Variants in OGFOD1 observed in about 807,000 individuals in gnomAD.
The protein encoded by OGFOD1 is 2-oxoglutarate and iron dependent oxygenase domain containing 1, also known as prolyl 3-hydroxylase OGFOD1.
OGFOD1 carries 54 observed loss-of-function variants against 67.7 expected under a neutral mutation model. That is an observed-to-expected ratio of 0.80 (90% confidence interval 0.64 to 1.00). The LOEUF is 1.00. Ranked by LOEUF, OGFOD1 falls within the 50% of genes least tolerant of loss-of-function variation. The pLI is 0.00. For synonymous variants in OGFOD1, 221 were observed against 227.0 expected (o/e 0.97, Z 0.24); for missense variants, 606 against 646.7 (o/e 0.94, Z 0.68).
At position 56,476,046 on chromosome 16, in the gene OGFOD1, GC is replaced by G. The variant is rs1555519106; in HGVS notation, c.1471del (p.Leu491Ter). 1.9e-6 allele frequency: 3 copies of G among 1,608,796 alleles called. No homozygotes were observed. The highest frequency in any genetic ancestry group is 1.7e-6 in the Non-Finnish European group (2 of 1,178,294). On this transcript the variant is annotated frameshift_variant, in exon 13 of 13. Transcript: ENST00000566157. LOFTEE classifies it high-confidence loss of function. The part of the protein sequence containing the change: ...YIAKGEDEEL[L>X]TVNPESNSLA... ...GTCACTGTATTTGTCTTTTTCAGCT[GC>G]TAACAGTGAATCCAGAAAGCAATTC...
chr16:56,454,716 T>G (rs1053779772), intron 2 of OGFOD1: 27 of 385,808 alleles, frequency 7.0e-5, no homozygotes, highest in Non-Finnish European at 9.6e-5. Context: ...TCCCATTTTA[T>G]TTTATCTGGG....
intron 10 of OGFOD1, 64 bp from the exon 11 acceptor site, chr16:56,474,764 T>C: frequency 4.4e-6 from 6 of 1,375,348 alleles, no homozygotes; most frequent in Non-Finnish European, 6.0e-6. Flanking sequence ...TATGATTCCC[T>C]TGCAATCCAA....
At chr16:56,458,288 C>A in intron 2 of OGFOD1, 1 of 450,844 alleles carries the variant, frequency 2.2e-6, no homozygotes, top group Non-Finnish European at 4.1e-6. Flanking sequence ...TGTCTGTTGT[C>A]TATCTCCCTC....
At chr16:56,473,699 C>G (rs1211569412) in intron 10 of OGFOD1, among the ~76,000 whole-genome samples, 2 of 151,202 alleles carry the variant, frequency 1.3e-5, no homozygotes, top group African/African-American at 4.9e-5. Context: ...CTATTGGTTA[C>G]TTGATTTTTT....
Position 56,453,243 on chromosome 16 carries a change from T to TA in OGFOD1, c.155-18dup. ...AATACAAAAGGAAAAAAGCCATAGA[T>TA]AATGTTTTTCTTCCAACAGAAGTCA... On this transcript the variant is annotated intron_variant, in intron 1 of 12. Coordinates refer to ENST00000566157, the MANE Select transcript of OGFOD1 (RefSeq NM_018233.4). The TA allele has an allele frequency of 1.3e-6, 2 of 1,599,318 alleles. No homozygotes were observed. The highest frequency in any genetic ancestry group is 1.7e-6 in the Non-Finnish European group (2 of 1,174,998).
At position 56,478,094 on chromosome 16, in the gene OGFOD1, T is replaced by C. The variant is rs2144076700; in HGVS notation, c.*1889T>C. The C allele has an allele frequency of 1.3e-5, 2 of 152,344 alleles. No individual in the cohort carries two copies. The highest frequency in any genetic ancestry group is 6.8e-3 in the Middle Eastern group (2 of 294). 9.4% of individuals were successfully genotyped at this position (152,344 alleles called of 1,614,324 possible). A position where few individuals can be genotyped will look rare whatever the true frequency, so the allele number is the denominator to read the frequency against. ...ATAAAAAGAAATATCTAGAACTAGT[T>C]CTAACATTGTCTTCCCCTATGCATA... On this transcript the variant is annotated 3_prime_UTR_variant, in exon 13 of 13. Transcript: ENST00000566157.
At chr16:56,457,464 G>T (rs1196758293) in intron 2 of OGFOD1, among the ~76,000 whole-genome samples, 1 of 152,214 alleles carries the variant, frequency 6.6e-6, no homozygotes, top group East Asian at 1.9e-4. Flanking sequence ...CTGAAATTAG[G>T]AAGTGCTGAT....
At chr16:56,474,042 C>T (rs1406176814) in intron 10 of OGFOD1, among the ~76,000 whole-genome samples, 1 of 152,148 alleles carries the variant, frequency 6.6e-6, no homozygotes, top group Non-Finnish European at 1.5e-5. Flanking sequence ...CTCCTGACCT[C>T]AGGTGATCTG....
chr16:56,453,560 GCTTACTGAGTGTTAACTATGTGTTA>G, intron 2 of OGFOD1, 152 bp downstream of exon 2: 1 of 668,836 alleles, frequency 1.5e-6, no homozygotes, highest in South Asian at 2.1e-5. Context: ...ATTTAACCAA[GCTTACTGAGTGTTAACTATGTGTTA>G]AGTGCTATAA....
rs1411684373 is a variant in OGFOD1 at position 56,470,046 on chromosome 16, A to G, written c.944A>G (p.His315Arg). Reference protein sequence around the residue: ...TKVCEALEHGHVEWSSRGPPN... With the variant: ...TKVCEALEHGRVEWSSRGPPN... ...GTCTGTGAGGCCTTGGAGCATGGAC[A>G]TGTGGAATGGAGCAGCCGAGGTCCC... Residue 315 changes from histidine to arginine, a missense_variant, in exon 9 of 13, where the codon CAT (histidine) becomes CGT (arginine). By Grantham distance (29) the His-to-Arg change is conservative. Coordinates refer to ENST00000566157, the MANE Select transcript of OGFOD1 (RefSeq NM_018233.4). The G allele has an allele frequency of 6.2e-7, 1 of 1,614,028 alleles. No homozygotes were observed. Among genetic ancestry groups the G allele is most frequent in the Admixed American group, 1.7e-5 (1 of 59,998 alleles).
At position 56,453,367 on chromosome 16, in the gene OGFOD1, G is replaced by T; in HGVS notation, c.259G>T (p.Asp87Tyr). 1 of 1,613,878 alleles carries T rather than the reference G, an allele frequency of 6.2e-7. No individual in the cohort carries two copies. Among genetic ancestry groups the T allele is most frequent in the East Asian group, 2.2e-5 (1 of 44,856 alleles). ...GCTTCAGAAGGAACTGATGAACTTG[G>T]ACTTCCATGAGAAGTATAATGATTT... ...EGLQKELMNL[D>Y]FHEKYNDLYK... is the part of the protein sequence containing the mutation. Residue 87 changes from aspartate to tyrosine, a missense_variant, in exon 2 of 13, where the codon GAC (aspartate) becomes TAC (tyrosine). Physicochemically the swap from Asp to Tyr is radical, Grantham distance 160. Coordinates refer to ENST00000566157, the MANE Select transcript of OGFOD1 (RefSeq NM_018233.4).
At chr16:56,462,355 TAA>T (rs1962738979) in intron 3 of OGFOD1, among the ~76,000 whole-genome samples, 177 bp from the exon 4 acceptor site, 1 of 152,186 alleles carries the variant, frequency 6.6e-6, no homozygotes, top group South Asian at 2.1e-4. Flanking sequence ...ACATTAGACT[TAA>T]ACTATGCAAA....
intron 4 of OGFOD1, among the ~76,000 whole-genome samples, chr16:56,463,096 C>T (rs1596972934): frequency 1.3e-5 from 2 of 152,222 alleles, no homozygotes; most frequent in African/African-American, 2.4e-5. Flanking sequence ...CTTCTCCCTG[C>T]TCCCTCTTCT....
chr16:56,474,884 A>C lies in OGFOD1; in HGVS notation c.1342A>C (p.Thr448Pro). The change falls in exon 11 of 13, where the codon ACT becomes CCT. Residue 448 changes from threonine (T) to proline (P), a missense_variant. Coordinates refer to ENST00000566157, the MANE Select transcript of OGFOD1 (RefSeq NM_018233.4). ...ELRHWKTGHY[T>P]LIHDHSKAEF... Reference sequence around the variant, plus strand: ...GAGGCATTGGAAGACCGGTCACTACACTTTAATTCATGACCATAGCAAGGC... The same window carrying C: ...GAGGCATTGGAAGACCGGTCACTACCCTTTAATTCATGACCATAGCAAGGC... 1 of 1,613,110 alleles carries C rather than the reference A, an allele frequency of 6.2e-7. No homozygotes were observed. Among genetic ancestry groups the C allele is most frequent in the Non-Finnish European group, 8.5e-7 (1 of 1,179,228 alleles).
At chr16:56,475,607 A>C in intron 12 of OGFOD1, 42 bp downstream of exon 12, 1 of 1,575,478 alleles carries the variant, frequency 6.3e-7, no homozygotes, top group Non-Finnish European at 8.7e-7. Flanking sequence ...TTAGTTATTG[A>C]GAATGCTTTC....
Position 56,470,597 on chromosome 16 carries a change from A to G in OGFOD1, c.1091A>G (p.Lys364Arg), listed in dbSNP as rs1963120093. The G allele has an allele frequency of 6.2e-7, 1 of 1,614,088 alleles. No individual in the cohort carries two copies. The highest frequency in any genetic ancestry group is 1.1e-5 in the South Asian group (1 of 91,090). ...FLLLSNFTGL[K>R]LHFLAPSEED... ...CTGCTCTCCAACTTCACAGGCCTGA[A>G]GCTTCATTTCTTGGCCCCTTCGGAA... The change falls in exon 10 of 13, where the codon AAG (lysine) becomes AGG (arginine). Residue 364 changes from lysine (K) to arginine (R), a missense_variant. Physicochemically the swap from Lys to Arg is conservative, Grantham distance 26. Coordinates refer to ENST00000566157, the MANE Select transcript of OGFOD1 (RefSeq NM_018233.4).
intron 10 of OGFOD1, among the ~76,000 whole-genome samples, chr16:56,474,306 T>C (rs1252766251): frequency 4.0e-5 from 6 of 150,632 alleles, no homozygotes; most frequent in African/African-American, 7.3e-5. Context: ...TAGAGAGAAA[T>C]CAAAATTCAA....
chr16:56,471,951 T>TTG (rs1372936228), intron 10 of OGFOD1, among the ~76,000 whole-genome samples: 3 of 141,306 alleles, frequency 2.1e-5, no homozygotes, highest in Admixed American at 7.0e-5. Context: ...ACTTATCCAC[T>TTG]TCTGTTTGTT....
intron 9 of OGFOD1, 45 bp downstream of exon 9, chr16:56,470,127 A>G (rs1963099618): frequency 6.5e-7 from 1 of 1,543,150 alleles, no homozygotes; most frequent in Non-Finnish European, 8.9e-7. Flanking sequence ...TTCAGCACCT[A>G]TAACATTTTT....
Sources: allele counts gnomAD v4.1 joint callset (sites outside exome capture counted in the v4.1 genomes callset), GRCh38; gene constraint gnomAD v4.1.1; transcripts MANE v1.5; gene names NCBI Gene and HGNC (gene_info 2026-07-23, HGNC 2026-07-21).